Variants in TTC6 observed in about 807,000 individuals in gnomAD.
The protein encoded by TTC6 is tetratricopeptide repeat domain 6.
In TTC6, 172 loss-of-function variants were observed where a neutral mutation model predicts 210.4. The observed-to-expected ratio is 0.82, with a 90% CI of 0.72 to 0.93. The LOEUF (loss-of-function observed/expected upper bound fraction) is 0.93, where lower values mean the gene tolerates loss of function less well. Ranked by LOEUF, TTC6 falls within the 40% of genes least tolerant of loss-of-function variation. The pLI, the probability that TTC6 is intolerant of heterozygous loss-of-function variation, is 0.00. For missense variants in TTC6, 2,414 were observed against 2,318.1 expected (o/e 1.04, Z -0.85); for synonymous variants, 804 against 819.6 (o/e 0.98, Z 0.32).
intron 3 of TTC6, among the ~76,000 whole-genome samples, chr14:37,692,892 TAAATAAATA>T (rs1460943576): frequency 1.3e-5 from 2 of 148,960 alleles, no homozygotes; most frequent in African/African-American, 4.9e-5. Context: ...AATAAATAAA[TAAATAAATA>T]AATCCCAAAA....
At chr14:37,622,955 A>G in exon 1 of TTC6, 1 of 1,526,492 alleles carries the variant, frequency 6.6e-7, no homozygotes, top group South Asian at 1.2e-5. Flanking sequence ...AGACCATCAA[A>G]GAGCTCATAC....
At chr14:37,651,063 A>G (rs2095710267) in intron 1 of TTC6, among the ~76,000 whole-genome samples, 1 of 152,196 alleles carries the variant, frequency 6.6e-6, no homozygotes, top group Non-Finnish European at 1.5e-5. Context: ...TGGTACATAT[A>G]TGATTTAAGG....
At chr14:37,821,137 G>C (rs1376433319) in intron 26 of TTC6, among the ~76,000 whole-genome samples, 3 of 150,086 alleles carry the variant, frequency 2.0e-5, no homozygotes, top group Non-Finnish European at 3.0e-5. Flanking sequence ...GCATGATCTT[G>C]GCTCACTGCA....
intron 1 of TTC6, among the ~76,000 whole-genome samples, chr14:37,679,022 A>G (rs2095776795): frequency 1.3e-5 from 2 of 152,088 alleles, no homozygotes; most frequent in Admixed American, 6.6e-5. Flanking sequence ...CAAGCTCAAG[A>G]TCAGCCTGGG....
intron 1 of TTC6, among the ~76,000 whole-genome samples, chr14:37,633,356 G>A (rs553826882): frequency 2.0e-5 from 3 of 152,182 alleles, no homozygotes; most frequent in Non-Finnish European, 4.4e-5. Flanking sequence ...AGTCCCTCAC[G>A]GCTTCCCTTG....
At chr14:37,710,279 G>C (rs547834178) in intron 5 of TTC6, among the ~76,000 whole-genome samples, 1 of 152,202 alleles carries the variant, frequency 6.6e-6, no homozygotes, top group East Asian at 1.9e-4. Context: ...ATTGTTGGAG[G>C]GAGATCCCTT....
chr14:37,634,664 A>G (rs2139357397), intron 1 of TTC6, among the ~76,000 whole-genome samples: 1 of 152,352 alleles, frequency 6.6e-6, no homozygotes, highest in African/African-American at 2.4e-5. Flanking sequence ...AAAGAAATCC[A>G]CACTAAAATC....
At chr14:37,792,290 T>C in exon 17 of TTC6, 7 of 1,524,512 alleles carry the variant, frequency 4.6e-6, no homozygotes, top group Non-Finnish European at 5.2e-6. Context: ...TATGTAAATA[T>C]TGGCCTCATA....
At chr14:37,680,186 A>G in exon 2 of TTC6, 2 of 1,533,890 alleles carry the variant, frequency 1.3e-6, no homozygotes, top group Non-Finnish European at 1.7e-6. Context: ...ACCTCAAAAC[A>G]TCACCTATGC....
intron 14 of TTC6, among the ~76,000 whole-genome samples, chr14:37,754,422 T>C (rs2095961508): frequency 6.6e-6 from 1 of 151,970 alleles, no homozygotes; most frequent in Non-Finnish European, 1.5e-5. Context: ...CTCATTCTTA[T>C]CTTTTTCTTT....
intron 1 of TTC6, among the ~76,000 whole-genome samples, chr14:37,626,800 T>A (rs2095661078): frequency 6.6e-6 from 1 of 152,186 alleles, no homozygotes; most frequent in Non-Finnish European, 1.5e-5. Context: ...AGGGGCAGCC[T>A]AGCAAGACAA....
Position 37,690,949 on chromosome 14 carries a change from C to T in TTC6, c.1258-5768C>T, listed in dbSNP as rs542419465. On this transcript the variant is annotated intron_variant, in intron 3 of 30. Coordinates refer to ENST00000553443, the Ensembl canonical transcript of TTC6. ...TTTTCCTTAGCATGTGGATCATTCT[C>T]CAGGATAGACCATATGTTAGGTCAC... Among the ~76,000 whole-genome samples, 5 of 152,220 alleles carry T rather than the reference C, an allele frequency of 3.3e-5. No individual in the cohort carries two copies. The South Asian group carries it at 8.3e-4, about 25-fold the overall frequency.
Position 37,832,293 on chromosome 14 carries a change from C to A in TTC6, c.5298+4927C>A, listed in dbSNP as rs867699472. On this transcript the variant is annotated intron_variant, in intron 29 of 30. Coordinates refer to ENST00000553443, the Ensembl canonical transcript of TTC6. ...TTTTGTATTTTTTAAGTCTTTATTTCTGCTCTGATATTTATTATTTTCTTT... is the reference window on the plus strand; with the variant it reads ...TTTTGTATTTTTTAAGTCTTTATTTATGCTCTGATATTTATTATTTTCTTT... 1.4e-3 allele frequency among the ~76,000 whole-genome samples: 183 copies of A among 131,314 alleles called. 2 individuals are homozygous for A. The highest frequency in any genetic ancestry group is 4.9e-3 in the African/African-American group (175 of 35,546). The allele number at this position is 131,314 out of a possible 152,430, so 86.1% of individuals were successfully genotyped here.
intron 14 of TTC6, among the ~76,000 whole-genome samples, chr14:37,767,327 G>A (rs549120961): frequency 2.0e-5 from 3 of 152,236 alleles, no homozygotes; most frequent in East Asian, 3.9e-4. Flanking sequence ...TAATGGGATG[G>A]CTGGGTCAAA....
upstream of TTC6, among the ~76,000 whole-genome samples, chr14:37,620,425 C>T (rs2095649405): frequency 6.6e-6 from 1 of 152,064 alleles, no homozygotes; most frequent in African/African-American, 2.4e-5. Context: ...CATTGTTTTA[C>T]CCTGATTTCT....
chr14:37,761,222 G>C (rs1365677095), intron 14 of TTC6, among the ~76,000 whole-genome samples: 1 of 151,950 alleles, frequency 6.6e-6, no homozygotes, highest in African/African-American at 2.4e-5. Context: ...GGGTAGCATA[G>C]TCCCTCATGG....
intron 14 of TTC6, among the ~76,000 whole-genome samples, chr14:37,778,094 C>T (rs934606531): frequency 6.6e-6 from 1 of 152,166 alleles, no homozygotes. Flanking sequence ...GCTCCCTTTG[C>T]ACATGCCAGC....
chr14:37,827,283 G>C (rs1184571646), exon 29 of TTC6: 1 of 1,613,276 alleles, frequency 6.2e-7, no homozygotes, highest in East Asian at 2.2e-5. Flanking sequence ...AGACTACCAA[G>C]ATGCAATTAC....
rs1404077286 is a variant in TTC6 at position 37,840,178 on chromosome 14, A to G, written c.5299-1267A>G. Among the ~76,000 whole-genome samples the G allele has an allele frequency of 2.0e-5, 3 of 152,224 alleles. 1 individual carries two copies. The highest frequency in any genetic ancestry group is 7.2e-5 in the African/African-American group (3 of 41,462). On this transcript the variant is annotated intron_variant, in intron 29 of 30. Transcript: ENST00000553443. ...GGGATAACACCACCAATCCCACAGA[A>G]ATACAAACTACCATCAGTAAATACT...
Sources: allele counts gnomAD v4.1 joint callset (sites outside exome capture counted in the v4.1 genomes callset), GRCh38; gene constraint gnomAD v4.1.1; transcripts MANE v1.5; gene names NCBI Gene and HGNC (gene_info 2026-07-23, HGNC 2026-07-21).